Variants in LPO observed in about 807,000 individuals in gnomAD.
LPO encodes the protein lactoperoxidase, also known as salivary peroxidase.
Under a neutral mutation model 68.4 loss-of-function variants are expected in LPO, and 70 were observed. That is an observed-to-expected ratio of 1.02 (90% confidence interval 0.84 to 1.25). The LOEUF (loss-of-function observed/expected upper bound fraction) is 1.25, where lower values mean the gene tolerates loss of function less well. Ranked by LOEUF, LPO falls within the 50% of genes most tolerant of loss-of-function variation. The pLI, the probability that LPO is intolerant of heterozygous loss-of-function variation, is 0.00. For missense variants in LPO, 873 were observed against 908.4 expected (o/e 0.96, Z 0.50); for synonymous variants, 360 against 357.6 (o/e 1.01, Z -0.08).
Position 58,266,225 on chromosome 17 carries a change from CTG to C in LPO, c.1593_1594del (p.Gly532ArgfsTer17). 1.2e-6 allele frequency: 2 copies of C among 1,614,128 alleles called. No homozygotes were observed. The highest frequency in any genetic ancestry group is 1.7e-6 in the Non-Finnish European group (2 of 1,180,026). ...CTGATGAAACAGAATAAAATGATGA[CTG>C]GAGAGCTGCGCAACAAGCTTTTCCA... On this transcript the variant is annotated frameshift_variant, in exon 11 of 13. Coordinates refer to ENST00000262290, the MANE Select transcript of LPO (RefSeq NM_006151.3). LOFTEE classifies it high-confidence loss of function.
chr17:58,244,518 G>C (rs1006591844), intron 3 of LPO: 2 of 170,526 alleles, frequency 1.2e-5, no homozygotes, highest in African/African-American at 4.8e-5. Context: ...CAAGGAAGCT[G>C]TGATGGGGTG....
At chr17:58,266,452 G>GT (rs369249756) in intron 11 of LPO, 126 bp downstream of exon 11, 128 of 1,055,694 alleles carry the variant, frequency 1.2e-4, no homozygotes, top group African/African-American at 3.3e-4. Flanking sequence ...AGTCAGGCCA[G>GT]TTTTTTTTGT....
chr17:58,240,465 G>A (rs562542587), intron 1 of LPO, among the ~76,000 whole-genome samples: 4 of 152,324 alleles, frequency 2.6e-5, no homozygotes, highest in Admixed American at 6.5e-5. Flanking sequence ...TGCCCTGTGT[G>A]GTTCTGGCTG....
chr17:58,267,740 G>A (rs768601171), intron 12 of LPO, 47 bp from the exon 13 acceptor site: 2 of 1,563,730 alleles, frequency 1.3e-6, no homozygotes, highest in East Asian at 2.2e-5. Flanking sequence ...AGAGTGGGGA[G>A]GGGCCAGCGG....
Position 58,268,032 on chromosome 17 carries a change from A to G in LPO, c.*38A>G, listed in dbSNP as rs987437390. On this transcript the variant is annotated 3_prime_UTR_variant, in exon 13 of 13. Transcript: ENST00000262290. The stretch of plus-strand genomic sequence containing the variant: ...CACAGGAAAGTTCCCTTTGGTCCAC[A>G]GGGCCATTTCAAGCAAGTTCAATGA... 1.9e-6 allele frequency: 3 copies of G among 1,603,794 alleles called. No homozygotes were observed. The highest frequency in any genetic ancestry group is 1.7e-5 in the Admixed American group (1 of 59,952).
Position 58,254,955 on chromosome 17 carries a change from T to C in LPO, c.1250T>C (p.Leu417Pro), listed in dbSNP as rs774137453. 6.2e-7 allele frequency: 1 copy of C among 1,614,058 alleles called. No individual in the cohort carries two copies. The highest frequency in any genetic ancestry group is 1.1e-5 in the South Asian group (1 of 91,070). The change falls in exon 9 of 13, where the codon CTG becomes CCG. Residue 417 changes from leucine to proline, a missense_variant. Transcript: ENST00000262290. ...EKLYQEARKI[L>P]GAFVQIITFR... ...CTCTACCAGGAAGCCCGGAAAATCC[T>C]GGGAGCCTTCGTGCAGGTAGGGAGT...
chr17:58,248,568 A>G (rs1379678740), intron 4 of LPO, among the ~76,000 whole-genome samples: 1 of 152,014 alleles, frequency 6.6e-6, no homozygotes, highest in African/African-American at 2.4e-5. Context: ...CTCCTCCCAC[A>G]ACCCTTGCCC....
rs751197460 is a variant in LPO at position 58,267,617 on chromosome 17, G to GCCCT, written c.1931+32_1931+33insCCTC. On this transcript the variant is annotated intron_variant, in intron 12 of 12. Transcript: ENST00000262290. ...TGCGTCCTCAGCCAGGGAGGGAAGG[G>GCCCT]CAGGGCCCTTCTCCAAGAGGGGTGT... 1.9e-6 allele frequency: 3 copies of GCCCT among 1,571,536 alleles called. No individual in the cohort carries two copies. The South Asian group carries it at 3.5e-5, about 18-fold the overall frequency.
chr17:58,267,929 G>A lies in LPO; in HGVS notation c.2074G>A (p.Asp692Asn), dbSNP rs566851890. The A allele has an allele frequency of 6.2e-7, 1 of 1,614,190 alleles. No homozygotes were observed. Among genetic ancestry groups the A allele is most frequent in the Admixed American group, 1.7e-5 (1 of 60,028 alleles). Residue 692 changes from aspartate to asparagine, a missense_variant, in exon 13 of 13, where the codon GAC becomes AAC. Physicochemically the swap from Asp to Asn is conservative, Grantham distance 23. Transcript: ENST00000262290. ...ATTCTGGGCCAACAGCTACCCCTATGACTTCGTGGATTGCTCAGCCATCGA... is the reference window on the plus strand; with the variant it reads ...ATTCTGGGCCAACAGCTACCCCTATAACTTCGTGGATTGCTCAGCCATCGA... ...DPFWANSYPY[D>N]FVDCSAIDKL...
rs1271745734 is a variant in LPO at position 58,266,144 on chromosome 17, C to G, written c.1520-9C>G. On this transcript the variant is annotated splice_polypyrimidine_tract_variant and intron_variant, in intron 10 of 12. Coordinates refer to ENST00000262290, the MANE Select transcript of LPO (RefSeq NM_006151.3). ...AACCTAAGCATGGCTTCTGGGTCTC[C>G]CTTGGCAGGTGGAATTGATCCTCTG... 1 of 1,613,532 alleles carries G rather than the reference C, an allele frequency of 6.2e-7. No individual in the cohort carries two copies. The highest frequency in any genetic ancestry group is 1.7e-5 in the Admixed American group (1 of 59,980).
intron 9 of LPO, 66 bp downstream of exon 9, chr17:58,255,037 C>G: frequency 6.4e-7 from 1 of 1,554,902 alleles, no homozygotes; most frequent in Non-Finnish European, 8.8e-7. Context: ...CTGCCCTCTG[C>G]TGGCTGCTGT....
chr17:58,247,205 T>C (rs976291890), intron 3 of LPO, among the ~76,000 whole-genome samples: 1 of 152,228 alleles, frequency 6.6e-6, no homozygotes, highest in Non-Finnish European at 1.5e-5. Flanking sequence ...TGAAATGTTC[T>C]ATATCTGCAC....
At chr17:58,252,047 T>C in intron 7 of LPO, 135 bp from the exon 8 acceptor site, 2 of 787,868 alleles carry the variant, frequency 2.5e-6, no homozygotes, top group South Asian at 2.9e-5. Context: ...AAGAAGTGTC[T>C]GGGGTCAGTG....
At chr17:58,252,050 G>A in intron 7 of LPO, 132 bp from the exon 8 acceptor site, 4 of 795,584 alleles carry the variant, frequency 5.0e-6, no homozygotes, top group Admixed American at 1.9e-5. Flanking sequence ...AAGTGTCTGG[G>A]GTCAGTGTCT....
intron 8 of LPO, 102 bp from the exon 9 acceptor site, chr17:58,254,709 G>C (rs1485714855): frequency 1.7e-6 from 2 of 1,142,950 alleles, no homozygotes. Context: ...GGGGCGGGGG[G>C]GGCGGGGCGC....
chr17:58,253,699 C>G (rs1026752400), intron 8 of LPO, among the ~76,000 whole-genome samples: 1 of 152,190 alleles, frequency 6.6e-6, no homozygotes, highest in Non-Finnish European at 1.5e-5. Context: ...GCCAAGATAC[C>G]TTTATAGATC....
At chr17:58,247,758 T>A (rs749199276) in intron 4 of LPO, 120 bp downstream of exon 4, 2 of 1,130,096 alleles carry the variant, frequency 1.8e-6, no homozygotes, top group East Asian at 2.5e-5. Flanking sequence ...AACACTCCTG[T>A]CTCTCCCTTC....
Position 58,264,913 on chromosome 17 carries a change from G to T in LPO, c.1458G>T (p.Gly486=). 1 of 1,614,154 alleles carries T rather than the reference G, an allele frequency of 6.2e-7. No homozygotes were observed. Among genetic ancestry groups the T allele is most frequent in the Non-Finnish European group, 8.5e-7 (1 of 1,180,032 alleles). The change falls in exon 10 of 13, where the codon GGG becomes GGT. Residue 486 remains glycine (G), a synonymous_variant. Transcript: ENST00000262290. ...FRLDENYQPW[G]PEPELPLHTL... Reference sequence around the variant, plus strand: ...TGGATGAGAATTATCAGCCATGGGGGCCAGAACCAGAACTCCCCCTCCACA... The same window carrying T: ...TGGATGAGAATTATCAGCCATGGGGTCCAGAACCAGAACTCCCCCTCCACA...
intron 1 of LPO, among the ~76,000 whole-genome samples, chr17:58,242,435 G>C (rs904250939): frequency 9.2e-5 from 14 of 152,316 alleles, no homozygotes; most frequent in African/African-American, 2.9e-4. Flanking sequence ...CTGAGTGTCT[G>C]CCTCTCAGGC....
Sources: allele counts gnomAD v4.1 joint callset (sites outside exome capture counted in the v4.1 genomes callset), GRCh38; gene constraint gnomAD v4.1.1; transcripts MANE v1.5; gene names NCBI Gene and HGNC (gene_info 2026-07-23, HGNC 2026-07-21).